The following AK9 variants were observed in gnomAD, a reference collection of about 807,000 sequenced individuals.
AK9 encodes the protein adenylate kinase domain containing 1.
In AK9, 191 loss-of-function variants were observed where a neutral mutation model predicts 239.6. The ratio of observed to expected loss-of-function variants is 0.80; its 90% CI spans 0.71 to 0.90. The LOEUF (loss-of-function observed/expected upper bound fraction) is 0.90. AK9 is among the 40% of genes least tolerant of loss of function. AK9 has a pLI of 0.00. For missense variants in AK9, 1,995 were observed against 2,214.7 expected, an observed-to-expected ratio of 0.90 and a Z score of 1.99; for synonymous variants, 689 against 721.0, an observed-to-expected ratio of 0.96 and a Z score of 0.71.
intron 6 of AK9, among the ~76,000 whole-genome samples, chr6:109,661,701 C>T (rs946702945): frequency 6.6e-6 from 1 of 152,186 alleles, no homozygotes; most frequent in African/African-American, 2.4e-5. Context: ...CACAGCTGAC[C>T]CTGACACTCC....
intron 17 of AK9, among the ~76,000 whole-genome samples, chr6:109,600,509 T>C (rs1791782416): frequency 6.6e-6 from 1 of 152,244 alleles, no homozygotes; most frequent in Non-Finnish European, 1.5e-5. Context: ...TTTGCATCGA[T>C]GTTCATCAGG....
intron 29 of AK9, among the ~76,000 whole-genome samples, chr6:109,520,408 C>T (rs967179944): frequency 1.2e-4 from 18 of 151,892 alleles, no homozygotes; most frequent in African/African-American, 4.1e-4. Context: ...TTGTTGTTGG[C>T]CTTGTTGATC....
In AK9 at chr6:109,550,294, A is replaced by T; in HGVS notation, c.2760T>A (p.Asp920Glu). Residue 920 changes from aspartate (D) to glutamate (E), a missense_variant, in exon 25 of 41, where the codon GAT becomes GAA. By Grantham distance (45) the Asp-to-Glu change is conservative. Coordinates refer to ENST00000424296, the MANE Select transcript of AK9 (RefSeq NM_001145128.3). ...AATGCCTCTTTCTCTCCTTCATTTT[A>T]TCTTCACCCTAGAAACGGTATTCAA... ...LEEEEEEEGEDKMKERKRHLG... is the reference protein window; with the variant it reads ...LEEEEEEEGEEKMKERKRHLG... The T allele has an allele frequency of 6.2e-7, 1 of 1,609,476 alleles. No individual in the cohort carries two copies. Among genetic ancestry groups the T allele is most frequent in the Non-Finnish European group, 8.5e-7 (1 of 1,179,794 alleles).
At chr6:109,580,906 T>TA (rs1788769824) in intron 19 of AK9, among the ~76,000 whole-genome samples, 1 of 141,586 alleles carries the variant, frequency 7.1e-6, no homozygotes, top group Admixed American at 7.2e-5. Flanking sequence ...ATATCGTGGT[T>TA]TTTTTTTGTG....
intron 21 of AK9, among the ~76,000 whole-genome samples, chr6:109,569,807 T>C (rs1293610539): frequency 6.6e-6 from 1 of 151,986 alleles, no homozygotes; most frequent in African/African-American, 2.4e-5. Flanking sequence ...TGTGGAGAAA[T>C]AGGAATGCTT....
At chr6:109,650,953 C>T (rs1798842347) in intron 8 of AK9, among the ~76,000 whole-genome samples, 1 of 152,008 alleles carries the variant, frequency 6.6e-6, no homozygotes, top group Non-Finnish European at 1.5e-5. Context: ...AAACTGGAAA[C>T]CATCATTCTC....
In AK9 at chr6:109,526,690, C is replaced by T. The variant is rs114619923; in HGVS notation, c.3633+2321G>A. 3.7e-3 allele frequency among the ~76,000 whole-genome samples: 564 copies of T among 152,244 alleles called. 3 individuals carry two copies. The highest frequency in any genetic ancestry group is 0.013 in the African/African-American group (537 of 41,554). ...TGACACAGGTGCTCATTATCTAGAT[C>T]CCAAATTTCTTTATTATGCTGTGGT... On this transcript the variant is annotated intron_variant, in intron 29 of 40. Transcript: ENST00000424296.
At chr6:109,562,653 G>C (rs1463973708) in intron 24 of AK9, among the ~76,000 whole-genome samples, 1 of 152,102 alleles carries the variant, frequency 6.6e-6, no homozygotes, top group African/African-American at 2.4e-5. Flanking sequence ...TTTTTGATGG[G>C]GGGGCCAAAG....
At chr6:109,524,996 G>A (rs1354762628) in intron 29 of AK9, among the ~76,000 whole-genome samples, 1 of 152,132 alleles carries the variant, frequency 6.6e-6, no homozygotes, top group Non-Finnish European at 1.5e-5. Flanking sequence ...GGTTTTTATG[G>A]TTTCAGGTCT....
At position 109,533,224 on chromosome 6, in the gene AK9, T is replaced by C. The variant is rs766010904; in HGVS notation, c.3570+27A>G. 5 of 1,540,164 alleles carry C rather than the reference T, an allele frequency of 3.2e-6. No individual in the cohort carries two copies. In the African/African-American group the frequency reaches 6.9e-5, roughly 21 times the overall value. ...ACTAAACAGATGCTGAACAGATTTA[T>C]TCAATGCATTTTTGCTAGATACATA... On this transcript the variant is annotated intron_variant, in intron 28 of 40. Coordinates refer to ENST00000424296, the MANE Select transcript of AK9 (RefSeq NM_001145128.3).
At chr6:109,637,742 A>G (rs1796902500) in intron 10 of AK9, among the ~76,000 whole-genome samples, 1 of 152,178 alleles carries the variant, frequency 6.6e-6, no homozygotes. Flanking sequence ...TCTAAAAATC[A>G]CCTGCCTTTA....
At chr6:109,513,514 A>G (rs1417742364) in intron 32 of AK9, among the ~76,000 whole-genome samples, 1 of 152,174 alleles carries the variant, frequency 6.6e-6, no homozygotes, top group African/African-American at 2.4e-5. Context: ...GAGTTGGGTT[A>G]TATTTTCGAA....
chr6:109,676,586 GA>G (rs1181274902), intron 1 of AK9, among the ~76,000 whole-genome samples: 2 of 151,152 alleles, frequency 1.3e-5, no homozygotes, highest in Non-Finnish European at 3.0e-5. Context: ...ATAAAATAAT[GA>G]AAAAAATAGT....
rs1188733085 is a variant in AK9, at chr6:109,619,017, A to G, written c.1399+75T>C. 17 of 1,451,520 alleles carry G rather than the reference A, an allele frequency of 1.2e-5. No homozygotes were observed. In the Admixed American group the frequency reaches 2.8e-4, roughly 24 times the overall value. The allele number at this position is 1,451,520 out of a possible 1,614,324, so 89.9% of individuals were successfully genotyped here. ...CCAAGAATGCCAAGATGAGCTAAAC[A>G]AAGTCCTTGCTTTCAAGTAGCCCGG... On this transcript the variant is annotated intron_variant, in intron 13 of 40. Transcript: ENST00000424296.
intron 29 of AK9, among the ~76,000 whole-genome samples, chr6:109,522,221 G>A (rs1051786468): frequency 3.9e-5 from 6 of 151,932 alleles, no homozygotes; most frequent in African/African-American, 9.7e-5. Context: ...CTTTATACCC[G>A]CCAATCTCAA....
chr6:109,501,742 CA>C (rs1777625807), intron 35 of AK9, among the ~76,000 whole-genome samples: 1 of 152,192 alleles, frequency 6.6e-6, no homozygotes, highest in Non-Finnish European at 1.5e-5. Flanking sequence ...ATCCCCAACT[CA>C]ACTTCTGAGT....
At chr6:109,636,356 T>C (rs1008000126) in intron 10 of AK9, among the ~76,000 whole-genome samples, 1 of 152,126 alleles carries the variant, frequency 6.6e-6, no homozygotes, top group African/African-American at 2.4e-5. Flanking sequence ...TAGAATCTCC[T>C]AGGGAAGATT....
intron 10 of AK9, 43 bp from the exon 11 acceptor site, chr6:109,633,366 T>A: frequency 6.4e-7 from 1 of 1,562,436 alleles, no homozygotes; most frequent in South Asian, 1.2e-5. Flanking sequence ...GGCATAAATT[T>A]TGCTGAAATT....
chr6:109,494,211 G>A lies in AK9; in HGVS notation c.5419-116C>T, dbSNP rs571151568. On this transcript the variant is annotated intron_variant, in intron 39 of 40. Coordinates refer to ENST00000424296, the MANE Select transcript of AK9 (RefSeq NM_001145128.3). ...TTGCCTCAAATAGCCCCCTGGAGTG[G>A]GGATGGGGCTTATAAATATGGTTAG... 69 of 616,986 alleles carry A rather than the reference G, an allele frequency of 1.1e-4. No homozygotes were observed. The South Asian group carries it at 1.5e-3, about 14-fold the overall frequency. 38.2% of individuals were successfully genotyped at this position (616,986 alleles called of 1,614,324 possible). A position where few individuals can be genotyped will look rare whatever the true frequency, so the allele number is the denominator to read the frequency against.
Sources: allele counts gnomAD v4.1 joint callset (sites outside exome capture counted in the v4.1 genomes callset), GRCh38; gene constraint gnomAD v4.1.1; transcripts MANE v1.5; gene names NCBI Gene and HGNC (gene_info 2026-07-23, HGNC 2026-07-21).